Variants in HEATR5A observed in about 807,000 individuals in gnomAD.
The protein encoded by HEATR5A is HEAT repeat containing 5A, also known as HEAT repeat-containing protein 5A.
A neutral mutation model predicts 218.8 loss-of-function variants in HEATR5A; 178 were observed. The ratio of observed to expected loss-of-function variants is 0.81; its 90% CI spans 0.72 to 0.92. HEATR5A has a LOEUF of 0.92. Ranked by LOEUF, HEATR5A falls within the 40% of genes least tolerant of loss-of-function variation. HEATR5A has a pLI of 0.00. For synonymous variants in HEATR5A, 864 were observed against 871.6 expected (o/e 0.99, Z 0.15); for missense variants, 2,420 against 2,418.9 (o/e 1.00, Z -0.01).
intron 16 of HEATR5A, among the ~76,000 whole-genome samples, chr14:31,355,434 T>C (rs1340028292): frequency 1.3e-5 from 2 of 150,842 alleles, no homozygotes; most frequent in Non-Finnish European, 2.9e-5. Context: ...AAACAAAAAA[T>C]AAAGTAACCA....
intron 21 of HEATR5A, among the ~76,000 whole-genome samples, chr14:31,339,332 C>T (rs1900768579): frequency 6.6e-6 from 1 of 150,998 alleles, no homozygotes; most frequent in Non-Finnish European, 1.5e-5. Context: ...CACCTGTAGT[C>T]CCAGCTACTG....
At position 31,393,565 on chromosome 14, in the gene HEATR5A, C is replaced by G. The variant is rs190769209; in HGVS notation, c.772+487G>C. Among the ~76,000 whole-genome samples the G allele has an allele frequency of 2.6e-5, 4 of 152,320 alleles. No homozygotes were observed. In the East Asian group the frequency reaches 7.7e-4, roughly 29 times the overall value. On this transcript the variant is annotated intron_variant, in intron 6 of 35. Coordinates refer to ENST00000543095, the MANE Select transcript of HEATR5A (RefSeq NM_015473.4). ...CAATGATTGCATAAAGTACACCACA[C>G]TTCAAGAGTTCTTGTAAATTTTCCT...
At chr14:31,345,385 GA>G (rs1900986445) in intron 19 of HEATR5A, 109 bp from the exon 20 acceptor site, 1 of 790,558 alleles carries the variant, frequency 1.3e-6, no homozygotes, top group South Asian at 1.7e-5. Flanking sequence ...CAGCAAATGT[GA>G]ATGCTACTAC....
At chr14:31,311,320 T>C (rs1442047284) in intron 28 of HEATR5A, among the ~76,000 whole-genome samples, 3 of 152,216 alleles carry the variant, frequency 2.0e-5, no homozygotes, top group Admixed American at 6.5e-5. Flanking sequence ...AAGGCAAAAC[T>C]GTAAAGCTTG....
At chr14:31,350,540 C>A (rs976409995) in intron 17 of HEATR5A, 72 bp downstream of exon 17, 2 of 797,348 alleles carry the variant, frequency 2.5e-6, no homozygotes, top group Non-Finnish European at 4.1e-6. Context: ...ACATCATCCT[C>A]CGACAAACTT....
chr14:31,322,196 T>C (rs1034831378), intron 24 of HEATR5A, among the ~76,000 whole-genome samples: 1 of 152,164 alleles, frequency 6.6e-6, no homozygotes, highest in Non-Finnish European at 1.5e-5. Context: ...AAATGATAAA[T>C]GGTAATTCCT....
At chr14:31,407,409 C>T (rs2031108625) in intron 1 of HEATR5A, among the ~76,000 whole-genome samples, 1 of 152,062 alleles carries the variant, frequency 6.6e-6, no homozygotes, top group Non-Finnish European at 1.5e-5. Context: ...GGGATTTTTA[C>T]CTACAAGATT....
At chr14:31,319,389 G>A (rs1377023868) in intron 25 of HEATR5A, among the ~76,000 whole-genome samples, 1 of 152,062 alleles carries the variant, frequency 6.6e-6, no homozygotes, top group African/African-American at 2.4e-5. Context: ...CTGACTTCAG[G>A]TGATCCGCCT....
chr14:31,309,327 T>C (rs1246391359), intron 28 of HEATR5A, 145 bp from the exon 29 acceptor site: 1 of 761,312 alleles, frequency 1.3e-6, no homozygotes, highest in Non-Finnish European at 2.1e-6. Context: ...CTAAGGCAAC[T>C]ACTTTCTAGT....
At chr14:31,342,134 C>T (rs1443527860) in intron 21 of HEATR5A, among the ~76,000 whole-genome samples, 1 of 152,152 alleles carries the variant, frequency 6.6e-6, no homozygotes, top group Non-Finnish European at 1.5e-5. Flanking sequence ...CACCTCTAAT[C>T]CCAGCACTTT....
At chr14:31,314,006 G>C (rs2139152349) in intron 27 of HEATR5A, among the ~76,000 whole-genome samples, 1 of 152,258 alleles carries the variant, frequency 6.6e-6, no homozygotes, top group East Asian at 1.9e-4. Context: ...GGAGTGCAGT[G>C]GTGCCATCTC....
At chr14:31,319,908 T>A (rs901710389) in intron 25 of HEATR5A, among the ~76,000 whole-genome samples, 1 of 151,980 alleles carries the variant, frequency 6.6e-6, no homozygotes, top group African/African-American at 2.4e-5. Context: ...TAGCCGAGCG[T>A]GGTGGCGTGT....
At chr14:31,337,064 G>T (rs1181127652) in intron 22 of HEATR5A, among the ~76,000 whole-genome samples, 1 of 152,202 alleles carries the variant, frequency 6.6e-6, no homozygotes, top group East Asian at 1.9e-4. Flanking sequence ...TGAAGATATG[G>T]TATTATAATC....
chr14:31,383,500 C>T (rs764594164), intron 10 of HEATR5A, 21 bp downstream of exon 10: 4 of 1,599,544 alleles, frequency 2.5e-6, no homozygotes, highest in South Asian at 1.1e-5. Flanking sequence ...CATTATCATA[C>T]ATAGAGAATG....
In HEATR5A at chr14:31,355,520, G is replaced by A. The variant is rs529548865; in HGVS notation, c.2411+3117C>T. Among the ~76,000 whole-genome samples the A allele has an allele frequency of 3.9e-5, 6 of 152,090 alleles. 1 individual carries two copies. The highest frequency in any genetic ancestry group is 1.4e-4 in the African/African-American group (6 of 41,474). On this transcript the variant is annotated intron_variant, in intron 16 of 35. Transcript: ENST00000543095. ...GGCCGAGGAGGGCGGATCACCTGAGGTCAGGAGATTGAGACCAGCTTGGCC... is the reference window on the plus strand; with the variant it reads ...GGCCGAGGAGGGCGGATCACCTGAGATCAGGAGATTGAGACCAGCTTGGCC...
rs1227516532 is a variant in HEATR5A at position 31,308,969 on chromosome 14, T to C, written c.4655A>G (p.Glu1552Gly). The C allele has an allele frequency of 1.2e-5, 20 of 1,613,720 alleles. No individual in the cohort carries two copies. The highest frequency in any genetic ancestry group is 2.2e-5 in the East Asian group (1 of 44,878). The change falls in exon 29 of 36, where the codon GAG (glutamate) becomes GGG (glycine). Residue 1552 changes from glutamate to glycine, a missense_variant. By Grantham distance (98) the Glu-to-Gly change is moderately conservative. Transcript: ENST00000543095. The part of the protein sequence containing the change: ...SSSGATIKSP[E>G]DVYTDRFHLI... ...ATGGAATCTATCAGTGTAGACATCC[T>C]CAGGGGACTTTATGGTAGCCCCAGA... is the stretch of plus-strand genomic sequence containing the variant.
intron 1 of HEATR5A, chr14:31,420,206 C>T (rs1353115094): frequency 6.6e-6 from 1 of 152,520 alleles, no homozygotes; most frequent in Admixed American, 6.5e-5. Context: ...AAGAACGGAC[C>T]ACGCTGTTTA....
chr14:31,327,186 G>A (rs1469931597), intron 22 of HEATR5A, among the ~76,000 whole-genome samples: 1 of 151,622 alleles, frequency 6.6e-6, no homozygotes, highest in Non-Finnish European at 1.5e-5. Flanking sequence ...TGTTGGTCAG[G>A]CTGGTCTTGA....
chr14:31,364,549 A>G (rs891857733), intron 13 of HEATR5A, among the ~76,000 whole-genome samples: 5 of 152,076 alleles, frequency 3.3e-5, no homozygotes, highest in Non-Finnish European at 5.9e-5. Flanking sequence ...ATTCCTAAGT[A>G]GCTGGGAACT....
Sources: allele counts gnomAD v4.1 joint callset (sites outside exome capture counted in the v4.1 genomes callset), GRCh38; gene constraint gnomAD v4.1.1; transcripts MANE v1.5; gene names NCBI Gene and HGNC (gene_info 2026-07-23, HGNC 2026-07-21).